Variants in PGLYRP4 observed in about 807,000 individuals in gnomAD.
PGLYRP4 encodes peptidoglycan recognition protein 4.
Under a neutral mutation model 41.2 loss-of-function variants are expected in PGLYRP4, and 39 were observed. The observed-to-expected ratio is 0.95, with a 90% CI of 0.73 to 1.24. PGLYRP4 has a LOEUF of 1.24. PGLYRP4 is among the 50% of genes most tolerant of loss of function. The pLI, the probability that PGLYRP4 is intolerant of heterozygous loss-of-function variation, is 0.00. For missense variants in PGLYRP4, 467 were observed against 460.7 expected (o/e 1.01, Z -0.13); for synonymous variants, 202 against 186.8 (o/e 1.08, Z -0.66).
chr1:153,330,656 G>T lies in PGLYRP4; in HGVS notation c.*111C>A. The T allele has an allele frequency of 1.2e-6, 1 of 848,848 alleles. No individual in the cohort carries two copies. Among genetic ancestry groups the T allele is most frequent in the Non-Finnish European group, 1.9e-6 (1 of 521,996 alleles). The allele number at this position is 848,848 out of a possible 1,614,324, so 52.6% of individuals were successfully genotyped here. A position where few individuals can be genotyped will look rare whatever the true frequency, so the allele number is the denominator to read the frequency against. ...TCCCAACCTGAAAAAGGAGGCACAGGACTGTGTGGCAGGGGAGGAGGGCAA... is the reference window on the plus strand; with the variant it reads ...TCCCAACCTGAAAAAGGAGGCACAGTACTGTGTGGCAGGGGAGGAGGGCAA... On this transcript the variant is annotated 3_prime_UTR_variant, in exon 9 of 9. Coordinates refer to ENST00000359650, the MANE Select transcript of PGLYRP4 (RefSeq NM_020393.4).
intron 6 of PGLYRP4, 26 bp from the exon 7 acceptor site, chr1:153,340,605 G>A: frequency 6.2e-7 from 1 of 1,607,888 alleles, no homozygotes. Flanking sequence ...AAACCACAGA[G>A]GGTTCATCTT....
At chr1:153,343,784 A>G (rs735012) in intron 4 of PGLYRP4, among the ~76,000 whole-genome samples, 123,107 of 152,028 alleles carry the variant, frequency 0.81, 50,172 homozygotes, top group Middle Eastern at 0.87. Context: ...CATGTATTTC[A>G]AGGAAATCAC....
intron 7 of PGLYRP4, 28 bp from the exon 8 acceptor site, chr1:153,337,327 C>T (rs1214614878): frequency 1.5e-6 from 2 of 1,333,932 alleles, no homozygotes; most frequent in Non-Finnish European, 1.1e-6. Flanking sequence ...GAGATGGAGA[C>T]CAGCATGAAA....
rs200913135 is a variant in PGLYRP4 at position 153,345,223 on chromosome 1, C to T, written c.299G>A (p.Arg100Gln). The T allele has an allele frequency of 5.6e-5, 91 of 1,613,996 alleles. No homozygotes were observed. The African/African-American group carries it at 1.0e-3, about 18-fold the overall frequency. ...GTGGACATGATGGGCCTGCAGTTCC[C>T]GCAGTCTCTGGCTGCAGACTGTCTG... is the stretch of plus-strand genomic sequence containing the variant. ...HDQTVCSQRL[R>Q]ELQAHHVHNN... Residue 100 changes from arginine to glutamine, a missense_variant, in exon 4 of 9, where the codon CGG (arginine) becomes CAG (glutamine). Physicochemically the swap from Arg to Gln is conservative, Grantham distance 43 (BLOSUM62 1). Coordinates refer to ENST00000359650, the MANE Select transcript of PGLYRP4 (RefSeq NM_020393.4).
chr1:153,348,067 C>CTCTACCA, intron 1 of PGLYRP4, 89 bp from the exon 2 acceptor site: 1 of 700,520 alleles, frequency 1.4e-6, no homozygotes, highest in South Asian at 1.8e-5. Flanking sequence ...CATCTGCCTC[C>CTCTACCA]TCTACCATCC....
intron 2 of PGLYRP4, 38 bp from the exon 3 acceptor site, chr1:153,346,229 A>G (rs1661005352): frequency 6.8e-7 from 1 of 1,475,570 alleles, no homozygotes; most frequent in South Asian, 1.1e-5. Flanking sequence ...AGAGAGCACC[A>G]ATACCAGCCA....
In PGLYRP4 at chr1:153,341,700, G is replaced by A. The variant is rs1234953703; in HGVS notation, c.552C>T (p.Ser184=). Residue 184 remains serine (S), a synonymous_variant, in exon 6 of 9, where the codon TCC becomes TCT. Coordinates refer to ENST00000359650, the MANE Select transcript of PGLYRP4 (RefSeq NM_020393.4). ...TYAVQKGHLS[S]SYVQPLLGKG... ...TCCCAAGAAGTGGCTGAACATAACT[G>A]GATGACAGGTGGCCCTTCTGGACAG... 1 of 1,613,828 alleles carries A rather than the reference G, an allele frequency of 6.2e-7. No homozygotes were observed. Among genetic ancestry groups the A allele is most frequent in the Non-Finnish European group, 8.5e-7 (1 of 1,179,938 alleles).
intron 4 of PGLYRP4, among the ~76,000 whole-genome samples, chr1:153,344,408 G>A (rs911852798): frequency 1.3e-5 from 2 of 152,242 alleles, no homozygotes; most frequent in East Asian, 1.9e-4. Flanking sequence ...GTGTACATGC[G>A]CTTTAGAACT....
intron 6 of PGLYRP4, 68 bp from the exon 7 acceptor site, chr1:153,340,647 G>A: frequency 6.6e-7 from 1 of 1,506,808 alleles, no homozygotes; most frequent in East Asian, 2.3e-5. Flanking sequence ...CTCCACCGTA[G>A]GCTGATATAA....
chr1:153,345,085 G>T, intron 4 of PGLYRP4, 84 bp downstream of exon 4: 1 of 1,029,676 alleles, frequency 9.7e-7, no homozygotes, highest in Non-Finnish European at 1.5e-6. Context: ...CAGAAAATGA[G>T]GAAAAGGGAT....
intron 7 of PGLYRP4, 37 bp downstream of exon 7, chr1:153,340,344 A>G: frequency 6.3e-7 from 1 of 1,585,462 alleles, no homozygotes; most frequent in East Asian, 2.2e-5. Context: ...TTCTGCCCCC[A>G]AGGGAAAAGA....
At chr1:153,339,367 T>G (rs185923375) in intron 7 of PGLYRP4, among the ~76,000 whole-genome samples, 32 of 152,264 alleles carry the variant, frequency 2.1e-4, no homozygotes, top group African/African-American at 7.0e-4. Flanking sequence ...TTGAAAAGGG[T>G]GCTACTAAAA....
At chr1:153,336,077 A>G (rs1243840428) in intron 8 of PGLYRP4, among the ~76,000 whole-genome samples, 1 of 151,834 alleles carries the variant, frequency 6.6e-6, no homozygotes, top group Non-Finnish European at 1.5e-5. Context: ...TGTGTACACC[A>G]TAGAATACTA....
chr1:153,333,879 C>T (rs1188937588), intron 8 of PGLYRP4, among the ~76,000 whole-genome samples: 1 of 152,070 alleles, frequency 6.6e-6, no homozygotes, highest in Admixed American at 6.5e-5. Flanking sequence ...GATAAAAACT[C>T]TCAACAAACT....
rs1319326005 is a variant in PGLYRP4, at chr1:153,346,043, G to A, written c.139+59C>T. 1.3e-5 allele frequency: 17 copies of A among 1,262,350 alleles called. 1 individual carries two copies. Among genetic ancestry groups the A allele is most frequent in the Admixed American group, 8.5e-5 (5 of 58,902 alleles). The allele number at this position is 1,262,350 out of a possible 1,614,324, so 78.2% of individuals were successfully genotyped here. ...CTTTGCAGACCTCAGAAACATTTCC[G>A]ATCACATGAAAAACCCCAGCTCGTC... On this transcript the variant is annotated intron_variant, in intron 3 of 8. Transcript: ENST00000359650.
chr1:153,347,648 A>G (rs540241452), intron 2 of PGLYRP4, among the ~76,000 whole-genome samples: 1 of 152,074 alleles, frequency 6.6e-6, no homozygotes, highest in South Asian at 2.1e-4. Context: ...CTGGGATTAC[A>G]AGCATAAGCC....
In PGLYRP4 at chr1:153,330,665, G is replaced by T. The variant is rs1660296299; in HGVS notation, c.*102C>A. ...GAAAAAGGAGGCACAGGACTGTGTG[G>T]CAGGGGAGGAGGGCAAAAGGTGTTG... is the stretch of plus-strand genomic sequence containing the variant. On this transcript the variant is annotated 3_prime_UTR_variant, in exon 9 of 9. Transcript: ENST00000359650. The T allele has an allele frequency of 5.4e-6, 5 of 920,072 alleles. No individual in the cohort carries two copies. Among genetic ancestry groups the T allele is most frequent in the Admixed American group, 2.1e-5 (1 of 46,942 alleles). The allele number at this position is 920,072 out of a possible 1,614,324, so 57.0% of individuals were successfully genotyped here. A position where few individuals can be genotyped will look rare whatever the true frequency, so the allele number is the denominator to read the frequency against.
chr1:153,348,071 A>T, intron 1 of PGLYRP4, 93 bp from the exon 2 acceptor site: 2 of 692,722 alleles, frequency 2.9e-6, no homozygotes, highest in Non-Finnish European at 5.0e-6. Flanking sequence ...TGCCTCCTCT[A>T]CCATCCTGTG....
Position 153,341,750 on chromosome 1 carries a change from C to T in PGLYRP4, c.502G>A (p.Ala168Thr), listed in dbSNP as rs766367742. Residue 168 changes from alanine (A) to threonine (T), a missense_variant, in exon 6 of 9, where the codon GCC becomes ACC. By Grantham distance (58) the Ala-to-Thr change is moderately conservative. Coordinates refer to ENST00000359650, the MANE Select transcript of PGLYRP4 (RefSeq NM_020393.4). ...GCATAGGTGATTAGGTTTTCCATGG[C>T]CGACAGGGCAGCAGGGCTGGGACTG... ...GHSPSPAALS[A>T]MENLITYAVQ... The T allele has an allele frequency of 7.4e-6, 12 of 1,613,906 alleles. 1 individual carries two copies. In the South Asian group the frequency reaches 1.1e-4, roughly 15 times the overall value.
Sources: allele counts gnomAD v4.1 joint callset (sites outside exome capture counted in the v4.1 genomes callset), GRCh38; gene constraint gnomAD v4.1.1; transcripts MANE v1.5; gene names NCBI Gene and HGNC (gene_info 2026-07-23, HGNC 2026-07-21).